The following METTL15 variants were observed in gnomAD, a reference collection of about 807,000 sequenced individuals.
METTL15 encodes methyltransferase 15, mitochondrial 12S rRNA N4-cytidine.
A neutral mutation model predicts 38.3 loss-of-function variants in METTL15; 34 were observed. That is an observed-to-expected ratio of 0.89 (90% CI 0.68 to 1.18). METTL15 has a LOEUF of 1.18. METTL15 is among the 50% of genes most tolerant of loss of function. The probability of loss-of-function intolerance (pLI) is 0.00; values close to 1 mark genes in which losing one functional copy is unlikely to be tolerated. For missense variants in METTL15, 438 were observed against 498.4 expected (o/e 0.88, Z 1.15); for synonymous variants, 162 against 170.9 (o/e 0.95, Z 0.41).
intron 4 of METTL15, among the ~76,000 whole-genome samples, chr11:28,286,964 T>C (rs1856290033): frequency 6.6e-6 from 1 of 150,564 alleles, no homozygotes; most frequent in Non-Finnish European, 1.5e-5. Flanking sequence ...CTCCACACTA[T>C]ATATATATGT....
At chr11:28,334,341 A>C (rs1849881264), downstream of METTL15, among the ~76,000 whole-genome samples, 1 of 152,070 alleles carries the variant, frequency 6.6e-6, no homozygotes, top group Non-Finnish European at 1.5e-5. Context: ...ATAGATTAAA[A>C]ACTAAATTAA....
chr11:28,511,610 T>C (rs1473357415), intron 6 of METTL15, among the ~76,000 whole-genome samples: 1 of 152,132 alleles, frequency 6.6e-6, no homozygotes, highest in Non-Finnish European at 1.5e-5. Flanking sequence ...CTGCGGACCT[T>C]CGCGGTGAGT....
At position 28,328,137 on chromosome 11, in the gene METTL15, A is replaced by G. The variant is rs368456673; in HGVS notation, c.779-2259A>G. 17 of 1,611,814 alleles carry G rather than the reference A, an allele frequency of 1.1e-5. No individual in the cohort carries two copies. The African/African-American group carries it at 1.2e-4, about 11-fold the overall frequency. On this transcript the variant is annotated intron_variant, in intron 6 of 6. Coordinates refer to ENST00000407364, the MANE Select transcript of METTL15 (RefSeq NM_001113528.2). Reference sequence around the variant, plus strand: ...TTCCCAGTGGCCCAAACTCTTTATTAGGAAAATGGACGAATTGAATAGCAA... The same window carrying G: ...TTCCCAGTGGCCCAAACTCTTTATTGGGAAAATGGACGAATTGAATAGCAA...
intron 3 of METTL15, among the ~76,000 whole-genome samples, chr11:28,173,109 A>C (rs1179089476): frequency 6.6e-6 from 1 of 152,180 alleles, no homozygotes; most frequent in East Asian, 1.9e-4. Flanking sequence ...CAAAATTTTT[A>C]ATATAGATTT....
At chr11:28,407,966 T>C (rs9971401) in intron 5 of METTL15, among the ~76,000 whole-genome samples, 2,693 of 152,274 alleles carry the variant, frequency 0.018, 52 homozygotes, top group African/African-American at 0.051. Context: ...CATGGAATAC[T>C]GTGCAGCCAT....
At chr11:28,199,069 CA>C (rs1354355839) in intron 3 of METTL15, among the ~76,000 whole-genome samples, 2 of 151,750 alleles carry the variant, frequency 1.3e-5, no homozygotes, top group Non-Finnish European at 2.9e-5. Context: ...GTCAAAGGAG[CA>C]TCCCTCTGTT....
chr11:28,235,020 A>C (rs1364485001), intron 4 of METTL15, among the ~76,000 whole-genome samples: 1 of 152,072 alleles, frequency 6.6e-6, no homozygotes, highest in Non-Finnish European at 1.5e-5. Context: ...AGCTTTCTAC[A>C]TGTGGCTAGC....
At chr11:28,174,641 C>T (rs1266387775) in intron 3 of METTL15, among the ~76,000 whole-genome samples, 3 of 151,502 alleles carry the variant, frequency 2.0e-5, no homozygotes, top group African/African-American at 4.8e-5. Context: ...GGTGAAACCC[C>T]GTCTCTACTA....
intron 6 of METTL15, among the ~76,000 whole-genome samples, chr11:28,478,059 A>G (rs1851361977): frequency 6.6e-6 from 1 of 151,912 alleles, no homozygotes; most frequent in Admixed American, 6.6e-5. Context: ...GCATGGCCAA[A>G]CTCTCTTATA....
intron 6 of METTL15, among the ~76,000 whole-genome samples, chr11:28,328,462 G>T (rs921205737): frequency 2.4e-4 from 37 of 151,944 alleles, no homozygotes; most frequent in African/African-American, 8.5e-4. Flanking sequence ...GTGAACTAAG[G>T]TGCCAGCCTT....
intron 6 of METTL15, among the ~76,000 whole-genome samples, chr11:28,426,255 A>G (rs560028411): frequency 7.2e-4 from 110 of 152,306 alleles, no homozygotes; most frequent in African/African-American, 2.5e-3. Flanking sequence ...AGCTCCATCC[A>G]TGTCCCTGCA....
Position 28,241,545 on chromosome 11 carries a change from A to G in METTL15, c.407+30347A>G, listed in dbSNP as rs548819145. Among the ~76,000 whole-genome samples, 14 of 152,038 alleles carry G rather than the reference A, an allele frequency of 9.2e-5. 1 individual carries two copies. In the South Asian group the frequency reaches 2.5e-3, roughly 27 times the overall value. On this transcript the variant is annotated intron_variant, in intron 4 of 6. Transcript: ENST00000407364. ...GGAGACCCCGTCTCAAAAAAAGAAAAAAAAAAAAAAGAAAACCAGAGAAAA... is the reference window on the plus strand; with the variant it reads ...GGAGACCCCGTCTCAAAAAAAGAAAGAAAAAAAAAAGAAAACCAGAGAAAA...
At chr11:28,403,095 A>T (rs1287411641) in intron 5 of METTL15, among the ~76,000 whole-genome samples, 1 of 152,022 alleles carries the variant, frequency 6.6e-6, no homozygotes, top group Non-Finnish European at 1.5e-5. Flanking sequence ...TTACTGCAAG[A>T]TCTCTACTTT....
intron 6 of METTL15, among the ~76,000 whole-genome samples, chr11:28,512,088 C>G (rs902656073): frequency 6.6e-6 from 1 of 152,164 alleles, no homozygotes; most frequent in African/African-American, 2.4e-5. Flanking sequence ...AATCCCTGAG[C>G]TAGACACAAA....
chr11:28,180,897 G>T (rs1851258897), intron 3 of METTL15, among the ~76,000 whole-genome samples: 2 of 151,724 alleles, frequency 1.3e-5, no homozygotes, highest in South Asian at 4.1e-4. Flanking sequence ...TTCAGTTATT[G>T]TTGGTAAAGA....
intron 4 of METTL15, among the ~76,000 whole-genome samples, chr11:28,220,172 G>A (rs1853127680): frequency 6.6e-6 from 1 of 152,000 alleles, no homozygotes; most frequent in Admixed American, 6.6e-5. Context: ...GTTAAAGTCT[G>A]CCATTATTGT....
chr11:28,135,855 A>T (rs766662813), intron 3 of METTL15, among the ~76,000 whole-genome samples: 3 of 152,208 alleles, frequency 2.0e-5, no homozygotes, highest in Admixed American at 6.5e-5. Context: ...CAAAACAAGG[A>T]TGAGCAACAT....
intron 3 of METTL15, among the ~76,000 whole-genome samples, chr11:28,120,905 AGCAGGTGTATGTATTTATAGG>A (rs1852204731): frequency 1.3e-5 from 2 of 151,994 alleles, no homozygotes; most frequent in Admixed American, 6.6e-5. Flanking sequence ...ATGAGTACAT[AGCAGGTGTATGTATTTATAGG>A]GCACATGAGC....
At chr11:28,153,665 TAA>T (rs1242942025) in intron 3 of METTL15, among the ~76,000 whole-genome samples, 7 of 152,154 alleles carry the variant, frequency 4.6e-5, no homozygotes, top group Admixed American at 3.9e-4. Context: ...CTGTTGTACT[TAA>T]GTTTTGTTTG....
Sources: gnomAD v4.1 joint callset for allele counts (sites outside exome capture counted in the v4.1 genomes callset) on GRCh38, gnomAD v4.1.1 for gene constraint, MANE v1.5 for transcripts, NCBI Gene and HGNC (gene_info 2026-07-23, HGNC 2026-07-21) for gene names.